LCE1F: variants seen among roughly 807,000 people sequenced by gnomAD.
The protein encoded by LCE1F is late cornified envelope protein 1F.
For synonymous variants in LCE1F, 67 were observed against 59.9 expected (o/e 1.12, Z -0.55); for missense variants, 154 against 153.5 (o/e 1.00, Z -0.02).
chr1:152,776,778 C>T lies in LCE1F; in HGVS notation c.*50C>T. ...AGATTTAGAGGCATGAAAGGGGCAACTTCATCTTCCTTGGGACTGACTGTG... is the reference window on the plus strand; with the variant it reads ...AGATTTAGAGGCATGAAAGGGGCAATTTCATCTTCCTTGGGACTGACTGTG... On this transcript the variant is annotated 3_prime_UTR_variant, in exon 2 of 2. Coordinates refer to ENST00000334371, the MANE Select transcript of LCE1F (RefSeq NM_178354.3). 1 of 1,502,968 alleles carries T rather than the reference C, an allele frequency of 6.7e-7. No individual in the cohort carries two copies. 93.1% of individuals were successfully genotyped at this position (1,502,968 alleles called of 1,614,324 possible).
rs1386124859 is a variant in LCE1F, at chr1:152,776,739, G to A, written c.*11G>A. The A allele has an allele frequency of 6.5e-7, 1 of 1,531,338 alleles. No homozygotes were observed. Among genetic ancestry groups the A allele is most frequent in the South Asian group, 1.3e-5 (1 of 76,680 alleles). 94.9% of individuals were successfully genotyped at this position (1,531,338 alleles called of 1,614,324 possible). A position where few individuals can be genotyped will look rare whatever the true frequency, so the allele number is the denominator to read the frequency against. ...GGAGGCTGCTGCTGAAGTGGACCCT[G>A]TGCCTAAAAGAGCAGATTTAGAGGC... On this transcript the variant is annotated 3_prime_UTR_variant, in exon 2 of 2. Transcript: ENST00000334371.
At chr1:152,776,088 A>G (rs1396758618) in intron 1 of LCE1F, among the ~76,000 whole-genome samples, 2 of 152,172 alleles carry the variant, frequency 1.3e-5, no homozygotes, top group Non-Finnish European at 1.5e-5. Context: ...TCCCACACTT[A>G]GGAGCTTTTA....
At chr1:152,775,653 AG>A (rs1259160367) in intron 1 of LCE1F, among the ~76,000 whole-genome samples, 1 of 152,238 alleles carries the variant, frequency 6.6e-6, no homozygotes, top group Non-Finnish European at 1.5e-5. Context: ...GCCAACAAGA[AG>A]ATCTGTAGTG....
rs113598055 is a variant in LCE1F at position 152,775,894 on chromosome 1, G to T, written c.-22-456G>T. On this transcript the variant is annotated intron_variant, in intron 1 of 1. Coordinates refer to ENST00000334371, the MANE Select transcript of LCE1F (RefSeq NM_178354.3). Reference sequence around the variant, plus strand: ...ACAAATTGACTCCAACATCCTTTGCGGTTATAGTTTTCTCTATTTCTGCAA... The same window carrying T: ...ACAAATTGACTCCAACATCCTTTGCTGTTATAGTTTTCTCTATTTCTGCAA... Among the ~76,000 whole-genome samples the T allele has an allele frequency of 6.6e-3, 1,003 of 152,172 alleles. 5 individuals carry two copies. Among genetic ancestry groups the T allele is most frequent in the African/African-American group, 0.023 (941 of 41,496 alleles).
rs138498302 is a variant in LCE1F at position 152,776,433 on chromosome 1, C to T, written c.62C>T (p.Pro21Leu). ...QPPPKCTPKC[P>L]PKCPTPKCPP... Reference sequence around the variant, plus strand: ...CCTCCCAAGTGCACTCCCAAGTGCCCTCCCAAGTGCCCCACACCGAAGTGC... The same window carrying T: ...CCTCCCAAGTGCACTCCCAAGTGCCTTCCCAAGTGCCCCACACCGAAGTGC... The change falls in exon 2 of 2, where the codon CCT becomes CTT. Residue 21 changes from proline (P) to leucine (L), a missense_variant. By Grantham distance (98) the Pro-to-Leu change is moderately conservative. Coordinates refer to ENST00000334371, the MANE Select transcript of LCE1F (RefSeq NM_178354.3). 138 of 1,603,944 alleles carry T rather than the reference C, an allele frequency of 8.6e-5. No homozygotes were observed. In the Middle Eastern group the frequency reaches 1.3e-3, roughly 15 times the overall value.
At position 152,776,425 on chromosome 1, in the gene LCE1F, C is replaced by G. The variant is rs769683009; in HGVS notation, c.54C>G (p.Pro18=). ...GCCAGCCCCCTCCCAAGTGCACTCC[C>G]AAGTGCCCTCCCAAGTGCCCCACAC... is the stretch of plus-strand genomic sequence containing the variant. ...QQCQPPPKCT[P]KCPPKCPTPK... is the part of the protein sequence containing the mutation. The change falls in exon 2 of 2, where the codon CCC becomes CCG. Residue 18 remains proline, a synonymous_variant. Coordinates refer to ENST00000334371, the MANE Select transcript of LCE1F (RefSeq NM_178354.3). 10 of 1,613,494 alleles carry G rather than the reference C, an allele frequency of 6.2e-6. No homozygotes were observed. In the East Asian group the frequency reaches 2.2e-4, roughly 36 times the overall value.
chr1:152,776,565 G>T lies in LCE1F; in HGVS notation c.194G>T (p.Gly65Val). 1 of 1,445,636 alleles carries T rather than the reference G, an allele frequency of 6.9e-7. No individual in the cohort carries two copies. The highest frequency in any genetic ancestry group is 1.2e-5 in the South Asian group (1 of 82,396). 89.6% of individuals were successfully genotyped at this position (1,445,636 alleles called of 1,614,324 possible). The change falls in exon 2 of 2, where the codon GGT becomes GTT. Residue 65 changes from glycine (G) to valine (V), a missense_variant. Gly to Val is a moderately radical substitution (Grantham distance 109, BLOSUM62 -3). Coordinates refer to ENST00000334371, the MANE Select transcript of LCE1F (RefSeq NM_178354.3). ...SSGGCCSSGG[G>V]GCCSSGGGGC... ...GGGGGCTGCTGCAGCTCTGGGGGTG[G>T]TGGCTGCTGCAGCTCTGGGGGAGGC...
Position 152,776,332 on chromosome 1 carries a change from T to C in LCE1F, c.-22-18T>C. 14 of 1,603,380 alleles carry C rather than the reference T, an allele frequency of 8.7e-6. No individual in the cohort carries two copies. The highest frequency in any genetic ancestry group is 1.2e-5 in the Non-Finnish European group (14 of 1,171,252). ...TGTCCTCTGCCTCCATCTAACTTGC[T>C]GTCTGACCCTCCTTCAGCTCCTGAA... On this transcript the variant is annotated intron_variant, in intron 1 of 1. Coordinates refer to ENST00000334371, the MANE Select transcript of LCE1F (RefSeq NM_178354.3).
Position 152,776,879 on chromosome 1 carries a change from C to G in LCE1F, c.*151C>G. ...CCGACCTAGAATCCAGAAATCTGCC[C>G]TCTCACAAGAATTCCTCTTCTGACC... On this transcript the variant is annotated 3_prime_UTR_variant, in exon 2 of 2. Transcript: ENST00000334371. 1.0e-6 allele frequency: 1 copy of G among 986,062 alleles called. No individual in the cohort carries two copies. The highest frequency in any genetic ancestry group is 1.4e-6 in the Non-Finnish European group (1 of 698,146). The allele number at this position is 986,062 out of a possible 1,614,324, so 61.1% of individuals were successfully genotyped here. A position where few individuals can be genotyped will look rare whatever the true frequency, so the allele number is the denominator to read the frequency against.
chr1:152,776,437 C>G lies in LCE1F; in HGVS notation c.66C>G (p.Pro22=). ...CCAAGTGCACTCCCAAGTGCCCTCC[C>G]AAGTGCCCCACACCGAAGTGCCCCC... The part of the protein sequence containing the change: ...PPPKCTPKCP[P]KCPTPKCPPK... Residue 22 remains proline (P), a synonymous_variant, in exon 2 of 2, where the codon CCC becomes CCG. Transcript: ENST00000334371. The G allele has an allele frequency of 6.2e-7, 1 of 1,601,860 alleles. No homozygotes were observed. Among genetic ancestry groups the G allele is most frequent in the South Asian group, 1.1e-5 (1 of 90,542 alleles).
At position 152,776,707 on chromosome 1, in the gene LCE1F, G is replaced by A; in HGVS notation, c.336G>A (p.Gln112=). Reference sequence around the variant, plus strand: ...GCTGCTGCGGAGGGGGCAGTGGCCAGCACTCTGGAGGCTGCTGCTGAAGTG... The same window carrying A: ...GCTGCTGCGGAGGGGGCAGTGGCCAACACTCTGGAGGCTGCTGCTGAAGTG... ...GSSCCGGGSG[Q]HSGGCC Residue 112 remains glutamine, a synonymous_variant, in exon 2 of 2, where the codon CAG becomes CAA. Coordinates refer to ENST00000334371, the MANE Select transcript of LCE1F (RefSeq NM_178354.3). 1 of 1,567,204 alleles carries A rather than the reference G, an allele frequency of 6.4e-7. No individual in the cohort carries two copies. Among genetic ancestry groups the A allele is most frequent in the Non-Finnish European group, 8.6e-7 (1 of 1,157,884 alleles).
Position 152,776,604 on chromosome 1 carries a change from G to A in LCE1F, c.233G>A (p.Ser78Asn), listed in dbSNP as rs1391276394. 6.2e-7 allele frequency: 1 copy of A among 1,607,050 alleles called. No homozygotes were observed. The change falls in exon 2 of 2, where the codon AGC (serine) becomes AAC (asparagine). Residue 78 changes from serine (S) to asparagine (N), a missense_variant. Transcript: ENST00000334371. The part of the protein sequence containing the change: ...CSSGGGGCCL[S>N]HHRRRRSHRH... ...TCTGGGGGAGGCGGCTGTTGCCTGA[G>A]CCACCACAGACGGCGTAGGTCCCAC...
intron 1 of LCE1F, 110 bp from the exon 2 acceptor site, chr1:152,776,240 G>A (rs910126944): frequency 3.1e-6 from 3 of 968,134 alleles, no homozygotes; most frequent in Non-Finnish European, 4.7e-6. Context: ...ATTTTCCTAT[G>A]TTTGATATAA....
In LCE1F at chr1:152,776,803, G is replaced by A. The variant is rs2101573316; in HGVS notation, c.*75G>A. Reference sequence around the variant, plus strand: ...CTTCATCTTCCTTGGGACTGACTGTGTTGCTGGGACATTTTAGTAAAGATT... The same window carrying A: ...CTTCATCTTCCTTGGGACTGACTGTATTGCTGGGACATTTTAGTAAAGATT... On this transcript the variant is annotated 3_prime_UTR_variant, in exon 2 of 2. Coordinates refer to ENST00000334371, the MANE Select transcript of LCE1F (RefSeq NM_178354.3). The A allele has an allele frequency of 6.9e-7, 1 of 1,456,500 alleles. No homozygotes were observed. The highest frequency in any genetic ancestry group is 2.3e-5 in the East Asian group (1 of 43,376). 90.2% of individuals were successfully genotyped at this position (1,456,500 alleles called of 1,614,324 possible). A position where few individuals can be genotyped will look rare whatever the true frequency, so the allele number is the denominator to read the frequency against.
In LCE1F at chr1:152,776,749, G is replaced by C. The variant is rs778199166; in HGVS notation, c.*21G>C. On this transcript the variant is annotated 3_prime_UTR_variant, in exon 2 of 2. Transcript: ENST00000334371. The stretch of plus-strand genomic sequence containing the variant: ...GCTGAAGTGGACCCTGTGCCTAAAA[G>C]AGCAGATTTAGAGGCATGAAAGGGG... 7 of 1,528,312 alleles carry C rather than the reference G, an allele frequency of 4.6e-6. No homozygotes were observed. In the Admixed American group the frequency reaches 1.3e-4, roughly 28 times the overall value. The allele number at this position is 1,528,312 out of a possible 1,614,324, so 94.7% of individuals were successfully genotyped here. A position where few individuals can be genotyped will look rare whatever the true frequency, so the allele number is the denominator to read the frequency against.
rs1336434640 is a variant in LCE1F at position 152,776,550 on chromosome 1, G to GCAGC, written c.180_183dup (p.Ser62GlnfsTer24). 6.2e-7 allele frequency: 1 copy of GCAGC among 1,606,722 alleles called. No homozygotes were observed. Among genetic ancestry groups the GCAGC allele is most frequent in the Non-Finnish European group, 8.5e-7 (1 of 1,174,620 alleles). ...TGTGGCTCCAGCTCTGGGGGCTGCT[G>GCAGC]CAGCTCTGGGGGTGGTGGCTGCTGC... On this transcript the variant is annotated frameshift_variant, in exon 2 of 2. Coordinates refer to ENST00000334371, the MANE Select transcript of LCE1F (RefSeq NM_178354.3). LOFTEE classifies it high-confidence loss of function.
Position 152,776,360 on chromosome 1 carries a change from C to T in LCE1F, c.-12C>T. 6.2e-7 allele frequency: 1 copy of T among 1,612,830 alleles called. No homozygotes were observed. On this transcript the variant is annotated 5_prime_UTR_variant, in exon 2 of 2. Coordinates refer to ENST00000334371, the MANE Select transcript of LCE1F (RefSeq NM_178354.3). Reference sequence around the variant, plus strand: ...CTGACCCTCCTTCAGCTCCTGAACACCCGCCACCGAGATGTCTTGCCAGCA... The same window carrying T: ...CTGACCCTCCTTCAGCTCCTGAACATCCGCCACCGAGATGTCTTGCCAGCA...
chr1:152,776,727 G>A lies in LCE1F; in HGVS notation c.356G>A (p.Ter119=), dbSNP rs754447733. Residue 119 remains the stop codon, a stop_retained_variant, in exon 2 of 2, where the codon TGA becomes TAA. Coordinates refer to ENST00000334371, the MANE Select transcript of LCE1F (RefSeq NM_178354.3). Reference sequence around the variant, plus strand: ...GGCCAGCACTCTGGAGGCTGCTGCTGAAGTGGACCCTGTGCCTAAAAGAGC... The same window carrying A: ...GGCCAGCACTCTGGAGGCTGCTGCTAAAGTGGACCCTGTGCCTAAAAGAGC... ...GSGQHSGGCC[*] 6.5e-7 allele frequency: 1 copy of A among 1,546,292 alleles called. No homozygotes were observed. Among genetic ancestry groups the A allele is most frequent in the Admixed American group, 2.0e-5 (1 of 49,850 alleles).
chr1:152,775,952 T>C (rs1360234349), intron 1 of LCE1F, among the ~76,000 whole-genome samples: 1 of 152,206 alleles, frequency 6.6e-6, no homozygotes, highest in Non-Finnish European at 1.5e-5. Context: ...AATAGAAATT[T>C]ATTTTGATTT....
Sources: allele counts gnomAD v4.1 joint callset (sites outside exome capture counted in the v4.1 genomes callset), GRCh38; gene constraint gnomAD v4.1.1; transcripts MANE v1.5; gene names NCBI Gene and HGNC (gene_info 2026-07-23, HGNC 2026-07-21).